The following HIRA variants were observed in gnomAD, a reference collection of about 807,000 sequenced individuals.
HIRA encodes protein HIRA.
Under a neutral mutation model 126.6 loss-of-function variants are expected in HIRA, and 13 were observed. The ratio of observed to expected loss-of-function variants is 0.10; its 90% CI spans 0.07 to 0.16. The LOEUF is 0.16. Among genes scored for constraint, HIRA ranks in the 10% least tolerant of loss-of-function variants. The pLI, the probability that HIRA is intolerant of heterozygous loss-of-function variation, is 1.00. For synonymous variants in HIRA, 511 were observed against 520.0 expected (o/e 0.98, Z 0.24); for missense variants, 834 against 1,314.4 (o/e 0.63, Z 5.65).
At chr22:19,382,767 CTTTCTTTTTTTT>C (rs2089086534) in intron 13 of HIRA, among the ~76,000 whole-genome samples, 2 of 134,276 alleles carry the variant, frequency 1.5e-5, no homozygotes, top group African/African-American at 6.6e-5. Flanking sequence ...TATCATTTTT[CTTTCTTTTTTTT>C]TTTTTTTTTG....
intron 19 of HIRA, 91 bp from the exon 20 acceptor site, chr22:19,356,379 A>T (rs1353762530): frequency 9.1e-7 from 1 of 1,101,042 alleles, no homozygotes; most frequent in African/African-American, 1.5e-5. Flanking sequence ...GCCCTACTGC[A>T]TGCGACCCTA....
chr22:19,371,858 T>A (rs1002873635), intron 15 of HIRA, among the ~76,000 whole-genome samples: 1 of 152,258 alleles, frequency 6.6e-6, no homozygotes, highest in African/African-American at 2.4e-5. Context: ...CCATATTTTG[T>A]TTATTCATCA....
rs574423800 is a variant in HIRA at position 19,427,164 on chromosome 22, T to C, written c.37+4276A>G. On this transcript the variant is annotated intron_variant, in intron 1 of 24. Coordinates refer to ENST00000263208, the MANE Select transcript of HIRA (RefSeq NM_003325.4). ...GTGGGCTGTCCTGCATGCTATACGA[T>C]GTTTAACAGATTTGTCCCCTACCCA... Among the ~76,000 whole-genome samples, 7 of 152,334 alleles carry C rather than the reference T, an allele frequency of 4.6e-5. No individual in the cohort carries two copies. In the South Asian group the frequency reaches 1.4e-3, roughly 32 times the overall value.
chr22:19,361,273 C>G lies in HIRA; in HGVS notation c.2049G>C (p.Leu683=). The G allele has an allele frequency of 1.2e-6, 2 of 1,614,184 alleles. No individual in the cohort carries two copies. The highest frequency in any genetic ancestry group is 1.7e-6 in the Non-Finnish European group (2 of 1,180,032). The change falls in exon 17 of 25, where the codon CTG becomes CTC. Residue 683 remains leucine, a synonymous_variant. Coordinates refer to ENST00000263208, the MANE Select transcript of HIRA (RefSeq NM_003325.4). ...CLSAPALALK[L]PIPSPQRAFT... The stretch of plus-strand genomic sequence containing the variant: ...ATGCTCTCTGGGGGCTTGGAATTGG[C>G]AGCTTCAGTGCAAGTGCTGGTGCAG...
At chr22:19,382,263 C>T (rs961380642) in intron 13 of HIRA, among the ~76,000 whole-genome samples, 3 of 152,100 alleles carry the variant, frequency 2.0e-5, no homozygotes, top group Non-Finnish European at 4.4e-5. Context: ...AGGAAGCCAC[C>T]TACACCTTCT....
chr22:19,431,232 C>T (rs944975738), intron 1 of HIRA, among the ~76,000 whole-genome samples: 4 of 152,222 alleles, frequency 2.6e-5, no homozygotes, highest in African/African-American at 9.6e-5. Flanking sequence ...GCGAAGATGG[C>T]CCTCGCTGCG....
intron 12 of HIRA, among the ~76,000 whole-genome samples, chr22:19,384,050 G>C (rs1211554579): frequency 6.6e-6 from 1 of 152,130 alleles, no homozygotes; most frequent in Non-Finnish European, 1.5e-5. Flanking sequence ...CAGGCACGGT[G>C]GCTCACGCCT....
At chr22:19,366,745 T>C (rs990727703) in intron 15 of HIRA, among the ~76,000 whole-genome samples, 3 of 152,214 alleles carry the variant, frequency 2.0e-5, no homozygotes, top group Admixed American at 6.5e-5. Flanking sequence ...GTGCATATTG[T>C]TGAAATAATA....
In HIRA at chr22:19,417,484, T is replaced by C. The variant is rs537089929; in HGVS notation, c.38-6706A>G. ...TAAAAATACAAAAATTAGCTGGGCA[T>C]GGTAGCGTGTGCCTGTAGTCCCAGC... On this transcript the variant is annotated intron_variant, in intron 1 of 24. Transcript: ENST00000263208. 1.6e-3 allele frequency among the ~76,000 whole-genome samples: 248 copies of C among 152,166 alleles called. 1 individual carries two copies. Among genetic ancestry groups the C allele is most frequent in the African/African-American group, 5.8e-3 (241 of 41,526 alleles).
intron 15 of HIRA, among the ~76,000 whole-genome samples, chr22:19,370,681 T>G (rs184449145): frequency 5.9e-5 from 9 of 152,320 alleles, no homozygotes; most frequent in Non-Finnish European, 2.9e-5. Flanking sequence ...TTTTATTTCA[T>G]TTTCCTCATA....
At chr22:19,344,368 T>C (rs1169276725) in intron 24 of HIRA, among the ~76,000 whole-genome samples, 1 of 151,946 alleles carries the variant, frequency 6.6e-6, no homozygotes, top group African/African-American at 2.4e-5. Context: ...ATAAAAAAGA[T>C]TATAAATAAG....
rs576771285 is a variant in HIRA at position 19,389,147 on chromosome 22, CT to C, written c.937-594del. On this transcript the variant is annotated intron_variant, in intron 9 of 24. Coordinates refer to ENST00000263208, the MANE Select transcript of HIRA (RefSeq NM_003325.4). ...ATTTTGTGCAAATATTTATTTTATT[CT>C]TCAAAGTAAGAATTTATTTTATTCT... 9.2e-5 allele frequency among the ~76,000 whole-genome samples: 14 copies of C among 152,266 alleles called. No homozygotes were observed. In the East Asian group the frequency reaches 2.7e-3, roughly 29 times the overall value.
intron 20 of HIRA, 26 bp downstream of exon 20, chr22:19,356,204 T>A: frequency 6.2e-7 from 1 of 1,607,170 alleles, no homozygotes. Context: ...CCCAAAAGAG[T>A]AGGGACAGCC....
chr22:19,387,130 C>T (rs2089134444), intron 11 of HIRA, among the ~76,000 whole-genome samples: 1 of 152,182 alleles, frequency 6.6e-6, no homozygotes, highest in African/African-American at 2.4e-5. Flanking sequence ...CCCAGCAGAG[C>T]ACAGAGGGGA....
intron 13 of HIRA, among the ~76,000 whole-genome samples, chr22:19,379,472 A>G (rs1235621877): frequency 6.6e-6 from 1 of 150,804 alleles, no homozygotes; most frequent in African/African-American, 2.4e-5. Flanking sequence ...TAAAAATACA[A>G]AAATTAGCCG....
At chr22:19,397,156 C>G (rs532407355) in intron 6 of HIRA, among the ~76,000 whole-genome samples, 1 of 152,296 alleles carries the variant, frequency 6.6e-6, no homozygotes, top group South Asian at 2.1e-4. Context: ...GAGGCAGGCA[C>G]CAAGGGGCTA....
At chr22:19,384,502 T>C (rs2089106713) in intron 12 of HIRA, among the ~76,000 whole-genome samples, 1 of 151,920 alleles carries the variant, frequency 6.6e-6, no homozygotes, top group Admixed American at 6.6e-5. Context: ...GCCCTCCTGG[T>C]ACAACTAAAT....
intron 1 of HIRA, among the ~76,000 whole-genome samples, chr22:19,417,314 C>A (rs1374259982): frequency 6.6e-6 from 1 of 152,106 alleles, no homozygotes; most frequent in Non-Finnish European, 1.5e-5. Context: ...TTACGTATTA[C>A]CTCACATCCA....
chr22:19,397,620 G>T (rs1176591175), intron 6 of HIRA, among the ~76,000 whole-genome samples: 1 of 152,118 alleles, frequency 6.6e-6, no homozygotes, highest in Non-Finnish European at 1.5e-5. Context: ...TGCAAAACTG[G>T]GTTTGTGTTA....
Sources: gnomAD v4.1 joint callset for allele counts (sites outside exome capture counted in the v4.1 genomes callset) on GRCh38, gnomAD v4.1.1 for gene constraint, MANE v1.5 for transcripts, NCBI Gene and HGNC (gene_info 2026-07-23, HGNC 2026-07-21) for gene names.